The following VAC14 variants were observed in gnomAD, a reference collection of about 807,000 sequenced individuals.
The protein encoded by VAC14 is protein VAC14 homolog.
VAC14 carries 47 observed loss-of-function variants against 85.3 expected under a neutral mutation model. The observed-to-expected ratio is 0.55, with a 90% CI of 0.44 to 0.70. The LOEUF (loss-of-function observed/expected upper bound fraction) is 0.70. Among genes scored for constraint, VAC14 ranks in the 30% least tolerant of loss-of-function variants. The probability of loss-of-function intolerance (pLI) is 0.00; values close to 1 mark genes in which losing one functional copy is unlikely to be tolerated. For synonymous variants in VAC14, 447 were observed against 430.5 expected (o/e 1.04, Z -0.47); for missense variants, 861 against 1,004.3 (o/e 0.86, Z 1.93).
intron 16 of VAC14, chr16:70,695,900 C>G (rs2053696658): frequency 3.1e-6 from 1 of 325,842 alleles, no homozygotes; most frequent in Admixed American, 4.2e-5. Context: ...CGCTGCAGCC[C>G]GTTGGGGGAG....
intron 14 of VAC14, among the ~76,000 whole-genome samples, chr16:70,719,179 T>A (rs2142998211): frequency 6.6e-6 from 1 of 152,260 alleles, no homozygotes; most frequent in African/African-American, 2.4e-5. Context: ...CTAGCTGGTT[T>A]CCAAGACCCT....
chr16:70,702,417 G>A (rs997767408), intron 14 of VAC14, among the ~76,000 whole-genome samples: 1 of 152,202 alleles, frequency 6.6e-6, no homozygotes, highest in African/African-American at 2.4e-5. Context: ...GAGGCCGGGA[G>A]CAGGCACCAC....
intron 4 of VAC14, among the ~76,000 whole-genome samples, 168 bp downstream of exon 4, chr16:70,784,608 G>A (rs1483660919): frequency 2.0e-5 from 3 of 152,162 alleles, no homozygotes; most frequent in African/African-American, 7.2e-5. Flanking sequence ...TGATAGTGGT[G>A]ATTGAGCTCG....
At chr16:70,781,738 T>C (rs1435088028) in intron 8 of VAC14, 131 bp downstream of exon 8, 40 of 1,303,520 alleles carry the variant, frequency 3.1e-5, no homozygotes, top group Non-Finnish European at 3.8e-5. Context: ...CCATCTCTTT[T>C]TCCCGAGCTG....
chr16:70,755,280 G>A, intron 12 of VAC14: 3 of 290,766 alleles, frequency 1.0e-5, no homozygotes, highest in South Asian at 8.1e-5. Flanking sequence ...AGCCCATGGG[G>A]CCTGGGAAGG....
At chr16:70,740,442 G>A (rs763525484) in intron 13 of VAC14, among the ~76,000 whole-genome samples, 77 of 152,250 alleles carry the variant, frequency 5.1e-4, no homozygotes, top group Admixed American at 5.2e-4. Flanking sequence ...CACCCTCTCT[G>A]GCAGCATAGA....
intron 13 of VAC14, among the ~76,000 whole-genome samples, chr16:70,732,945 G>A (rs1422151521): frequency 2.6e-5 from 4 of 152,028 alleles, no homozygotes; most frequent in African/African-American, 4.8e-5. Flanking sequence ...CACCACACCC[G>A]GCCCAAGGCA....
In VAC14 at chr16:70,697,343, A is replaced by G. The variant is rs562737296; in HGVS notation, c.1837-86T>C. ...CGTGGGGACCTGAGGGAAGGGCCAC[A>G]GGTCTAAGTCCCAGGGGCCTTCAGT... On this transcript the variant is annotated intron_variant, in intron 15 of 18. Coordinates refer to ENST00000261776, the MANE Select transcript of VAC14 (RefSeq NM_018052.5). The G allele has an allele frequency of 5.6e-4, 626 of 1,127,064 alleles. 3 individuals carry two copies. The African/African-American group carries it at 6.8e-3, about 12-fold the overall frequency. The allele number at this position is 1,127,064 out of a possible 1,614,324, so 69.8% of individuals were successfully genotyped here. A position where few individuals can be genotyped will look rare whatever the true frequency, so the allele number is the denominator to read the frequency against.
At chr16:70,691,238 A>C (rs3826272) in intron 18 of VAC14, 501,657 of 985,202 alleles carry the variant, frequency 0.51, 128,944 homozygotes, top group Non-Finnish European at 0.53. Flanking sequence ...GCACTCGGAG[A>C]CCCGGGAGAG....
intron 12 of VAC14, among the ~76,000 whole-genome samples, chr16:70,753,013 T>G (rs71401829): frequency 0.023 from 2,861 of 123,090 alleles, 33 homozygotes; most frequent in Non-Finnish European, 0.032. Flanking sequence ...GAGGAGGGGG[T>G]GTGTGTGTGT....
At chr16:70,730,552 AC>A (rs1236917141) in intron 14 of VAC14, among the ~76,000 whole-genome samples, 3 of 96,166 alleles carry the variant, frequency 3.1e-5, no homozygotes, top group African/African-American at 1.2e-4. Flanking sequence ...TAACCCCATC[AC>A]CCCAGGGGTT....
chr16:70,710,386 C>T (rs566182731), intron 14 of VAC14, among the ~76,000 whole-genome samples: 46 of 152,308 alleles, frequency 3.0e-4, no homozygotes, highest in African/African-American at 9.9e-4. Context: ...TGTCTTGGGA[C>T]GGGTAATGGA....
chr16:70,721,343 G>C (rs1295185496), intron 14 of VAC14, among the ~76,000 whole-genome samples: 2 of 152,104 alleles, frequency 1.3e-5, no homozygotes, highest in Non-Finnish European at 2.9e-5. Context: ...GGGAGGAAGG[G>C]AAGAGGAGAA....
intron 13 of VAC14, 39 bp downstream of exon 13, chr16:70,744,384 T>G (rs1261274402): frequency 6.2e-7 from 1 of 1,613,038 alleles, no homozygotes; most frequent in East Asian, 2.2e-5. Flanking sequence ...GCACTGGCAC[T>G]AAGGCCCCTG....
chr16:70,690,956 C>A, intron 18 of VAC14: 4 of 985,164 alleles, frequency 4.1e-6, no homozygotes, highest in Non-Finnish European at 4.8e-6. Flanking sequence ...AACCAAGAAC[C>A]CAGAGAGGGC....
Position 70,706,027 on chromosome 16 carries a change from T to C in VAC14, c.1662-7216A>G, listed in dbSNP as rs539719824. Among the ~76,000 whole-genome samples the C allele has an allele frequency of 1.2e-3, 185 of 152,262 alleles. No individual in the cohort carries two copies. The Middle Eastern group carries it at 0.017, about 14-fold the overall frequency. On this transcript the variant is annotated intron_variant, in intron 14 of 18. Coordinates refer to ENST00000261776, the MANE Select transcript of VAC14 (RefSeq NM_018052.5). ...AGAACCCTATCGGGTTCTTCATGCC[T>C]CTGCTTCTCCAGTCTGGCACCAGGA...
At chr16:70,696,085 C>T (rs1483342694) in intron 16 of VAC14, among the ~76,000 whole-genome samples, 2 of 152,204 alleles carry the variant, frequency 1.3e-5, no homozygotes, top group African/African-American at 4.8e-5. Context: ...ACCTAGCCCT[C>T]CACTGAGGCA....
In VAC14 at chr16:70,762,099, A is replaced by AG. The variant is rs2143065618; in HGVS notation, c.1371+440dup. Among the ~76,000 whole-genome samples, 1 of 131,670 alleles carries AG rather than the reference A, an allele frequency of 7.6e-6. No homozygotes were observed. Among genetic ancestry groups the AG allele is most frequent in the African/African-American group, 3.9e-5 (1 of 25,820 alleles). The allele number at this position is 131,670 out of a possible 152,430, so 86.4% of individuals were successfully genotyped here. On this transcript the variant is annotated intron_variant, in intron 12 of 18. Transcript: ENST00000261776. This position sits in a 1 kb window ranked among gnomAD's most constrained non-coding sequence, Gnocchi z 4.1. Reference sequence around the variant, plus strand: ...CAGAAGAGTCCTCACTCCTAAAGTGAGTTTTTTTTTTTGTTTTTGTTTTTT... The same window carrying AG: ...CAGAAGAGTCCTCACTCCTAAAGTGAGGTTTTTTTTTTTGTTTTTGTTTTTT...
intron 12 of VAC14, among the ~76,000 whole-genome samples, chr16:70,753,011 GGTGTGTGTGTGTGTGTGTGTGTGTGT>G (rs372860764): frequency 2.1e-5 from 3 of 143,066 alleles, no homozygotes; most frequent in Admixed American, 2.1e-4. Flanking sequence ...AGGAGGAGGG[GGTGTGTGTGTGTGTGTGTGTGTGTGT>G]GTGTGTGTGT....
Sources: gnomAD v4.1 joint callset for allele counts (sites outside exome capture counted in the v4.1 genomes callset) on GRCh38, gnomAD v4.1.1 for gene constraint, Gnocchi (gnomAD v3.1) non-coding constraint, MANE v1.5 for transcripts, NCBI Gene and HGNC (gene_info 2026-07-23, HGNC 2026-07-21) for gene names.